The following RSU1 variants were observed in gnomAD, a reference collection of about 807,000 sequenced individuals.
RSU1 encodes the protein Ras suppressor protein 1.
A neutral mutation model predicts 31.1 loss-of-function variants in RSU1; 26 were observed. That is an observed-to-expected ratio of 0.84 (90% CI 0.61 to 1.16). The LOEUF (loss-of-function observed/expected upper bound fraction) is 1.16, where lower values mean the gene tolerates loss of function less well. Ranked by LOEUF, RSU1 falls within the 50% of genes most tolerant of loss-of-function variation. The probability of loss-of-function intolerance (pLI) is 0.00; values close to 1 mark genes in which losing one functional copy is unlikely to be tolerated. For missense variants in RSU1, 320 were observed against 339.1 expected, an observed-to-expected ratio of 0.94 and a Z score of 0.44; for synonymous variants, 164 against 136.3, an observed-to-expected ratio of 1.20 and a Z score of -1.41.
chr10:16,637,400 T>A (rs1834362104), intron 8 of RSU1, among the ~76,000 whole-genome samples: 1 of 151,888 alleles, frequency 6.6e-6, no homozygotes, highest in Non-Finnish European at 1.5e-5. Context: ...TGCTCCCCCA[T>A]CCTGACTCCC....
At chr10:16,651,173 T>C (rs564128905) in intron 8 of RSU1, among the ~76,000 whole-genome samples, 64 of 152,320 alleles carry the variant, frequency 4.2e-4, no homozygotes, top group African/African-American at 1.5e-3. Context: ...TTTTATGTAT[T>C]TATAAAGCTT....
intron 2 of RSU1, among the ~76,000 whole-genome samples, chr10:16,784,807 C>T (rs1310385443): frequency 6.6e-6 from 1 of 152,130 alleles, no homozygotes; most frequent in African/African-American, 2.4e-5. Context: ...CCCCATGATA[C>T]AGTTACCTAC....
In RSU1 at chr10:16,591,330, A is replaced by G. The variant is rs1352684192; in HGVS notation, c.*2064T>C. The G allele has an allele frequency of 6.6e-6, 1 of 152,214 alleles. No homozygotes were observed. Among genetic ancestry groups the G allele is most frequent in the African/African-American group, 2.4e-5 (1 of 41,466 alleles). 9.4% of individuals were successfully genotyped at this position (152,214 alleles called of 1,614,324 possible). A position where few individuals can be genotyped will look rare whatever the true frequency, so the allele number is the denominator to read the frequency against. ...CTGTTTTTCTTGTGTATGCAATGCT[A>G]TAAGGACAATTCCTAAACATTGCAG... On this transcript the variant is annotated 3_prime_UTR_variant, in exon 9 of 9. Transcript: ENST00000345264.
intron 7 of RSU1, among the ~76,000 whole-genome samples, chr10:16,719,658 C>A (rs1376551871): frequency 6.6e-6 from 1 of 152,220 alleles, no homozygotes; most frequent in Non-Finnish European, 1.5e-5. Context: ...GCTTTTCCAA[C>A]TGCACTGTAA....
At chr10:16,724,634 G>T (rs942959449) in intron 7 of RSU1, among the ~76,000 whole-genome samples, 1 of 152,182 alleles carries the variant, frequency 6.6e-6, no homozygotes, top group African/African-American at 2.4e-5. Flanking sequence ...GGGGAATCAC[G>T]AACAGTGACT....
intron 7 of RSU1, among the ~76,000 whole-genome samples, chr10:16,742,842 C>T (rs548295596): frequency 2.2e-4 from 34 of 152,284 alleles, no homozygotes; most frequent in Non-Finnish European, 3.5e-4. Context: ...AACTTCCCAA[C>T]CCCTTTAAGG....
At chr10:16,618,891 C>A (rs1834025165) in intron 8 of RSU1, among the ~76,000 whole-genome samples, 1 of 152,074 alleles carries the variant, frequency 6.6e-6, no homozygotes, top group Non-Finnish European at 1.5e-5. Context: ...GGGCTTAAAA[C>A]CTAGATGATG....
At chr10:16,737,017 G>A (rs1168014090) in intron 7 of RSU1, among the ~76,000 whole-genome samples, 1 of 141,340 alleles carries the variant, frequency 7.1e-6, no homozygotes, top group Non-Finnish European at 1.5e-5. Context: ...CCAAAAGGGG[G>A]ATGGTGGGGG....
chr10:16,806,776 A>G (rs1056083174), intron 2 of RSU1, among the ~76,000 whole-genome samples: 1 of 152,180 alleles, frequency 6.6e-6, no homozygotes, highest in African/African-American at 2.4e-5. Flanking sequence ...TTATTTTGAA[A>G]GAGTCTCACT....
At chr10:16,816,817 T>C (rs370047119) in intron 2 of RSU1, among the ~76,000 whole-genome samples, 156 bp downstream of exon 2, 394 of 152,340 alleles carry the variant, frequency 2.6e-3, no homozygotes, top group African/African-American at 8.5e-3. Context: ...CAAATCCTAC[T>C]GCAAACCCTC....
At chr10:16,661,514 T>C (rs1453266201) in intron 8 of RSU1, among the ~76,000 whole-genome samples, 2 of 152,214 alleles carry the variant, frequency 1.3e-5, no homozygotes, top group Non-Finnish European at 2.9e-5. Context: ...CGTATACTTA[T>C]ACTGCATGCC....
At chr10:16,726,466 C>T (rs1285959172) in intron 7 of RSU1, among the ~76,000 whole-genome samples, 1 of 151,954 alleles carries the variant, frequency 6.6e-6, no homozygotes, top group Non-Finnish European at 1.5e-5. Context: ...GGGGTTTTAC[C>T]AAGTTGGCCA....
chr10:16,640,623 C>T (rs74128706), intron 8 of RSU1, among the ~76,000 whole-genome samples: 4,089 of 152,306 alleles, frequency 0.027, 187 homozygotes, highest in African/African-American at 0.092. Context: ...CTCAAATGGG[C>T]CTTACCCCCT....
intron 6 of RSU1, 26 bp downstream of exon 6, chr10:16,752,892 T>C: frequency 1.3e-6 from 2 of 1,595,366 alleles, no homozygotes; most frequent in South Asian, 1.1e-5. Flanking sequence ...GAATTGATTT[T>C]CTAAGAATTT....
At chr10:16,611,827 G>A (rs1427142688) in intron 8 of RSU1, among the ~76,000 whole-genome samples, 1 of 152,238 alleles carries the variant, frequency 6.6e-6, no homozygotes, top group African/African-American at 2.4e-5. Context: ...GAGAGAGAGT[G>A]AGAGAGAATG....
chr10:16,710,664 AAATT>A (rs1835999788), intron 7 of RSU1, among the ~76,000 whole-genome samples: 1 of 151,650 alleles, frequency 6.6e-6, no homozygotes, highest in Admixed American at 6.6e-5. Context: ...CATTTTTTTT[AAATT>A]TTTTTATTTT....
intron 7 of RSU1, among the ~76,000 whole-genome samples, chr10:16,724,319 AAAG>A (rs1836339818): frequency 6.6e-6 from 1 of 152,190 alleles, no homozygotes; most frequent in Non-Finnish European, 1.5e-5. Flanking sequence ...GTGAAAGAGA[AAAG>A]AATAAAATAT....
At chr10:16,716,284 C>T (rs942097284) in intron 7 of RSU1, among the ~76,000 whole-genome samples, 12 of 152,162 alleles carry the variant, frequency 7.9e-5, no homozygotes, top group African/African-American at 2.7e-4. Context: ...TGTAGCAGGA[C>T]TACGATGTTC....
At chr10:16,608,277 G>A (rs557064306) in intron 8 of RSU1, among the ~76,000 whole-genome samples, 2 of 152,336 alleles carry the variant, frequency 1.3e-5, no homozygotes, top group African/African-American at 2.4e-5. Flanking sequence ...GGAGCCTGAG[G>A]CAGGAGGATC....
Sources: allele counts gnomAD v4.1 joint callset (sites outside exome capture counted in the v4.1 genomes callset), GRCh38; gene constraint gnomAD v4.1.1; transcripts MANE v1.5; gene names NCBI Gene and HGNC (gene_info 2026-07-23, HGNC 2026-07-21).